TRPM2: variants seen among roughly 807,000 people sequenced by gnomAD.
TRPM2 encodes transient receptor potential cation channel subfamily M member 2.
TRPM2 carries 161 observed loss-of-function variants against 174.0 expected under a neutral mutation model. The observed-to-expected ratio is 0.93, with a 90% CI of 0.81 to 1.05. The LOEUF is 1.05. TRPM2 is among the 50% of genes least tolerant of loss of function. The pLI is 0.00. For synonymous variants in TRPM2, 954 were observed against 861.3 expected, an observed-to-expected ratio of 1.11 and a Z score of -1.88; for missense variants, 2,057 against 2,038.0, an observed-to-expected ratio of 1.01 and a Z score of -0.18.
chr21:44,404,173 A>G (rs995064359), intron 16 of TRPM2, among the ~76,000 whole-genome samples: 6 of 152,244 alleles, frequency 3.9e-5, no homozygotes, highest in South Asian at 2.1e-4. Flanking sequence ...ATATATACAC[A>G]TGCACACACA....
At chr21:44,417,696 G>A (rs1249225076) in intron 20 of TRPM2, among the ~76,000 whole-genome samples, 9 of 140,540 alleles carry the variant, frequency 6.4e-5, no homozygotes, top group Non-Finnish European at 7.7e-5. Context: ...CAGTGGGCAC[G>A]TGGGCGTGGC....
At position 44,399,522 on chromosome 21, in the gene TRPM2, G is replaced by T. The variant is rs190932518; in HGVS notation, c.2208+81G>T. The T allele has an allele frequency of 2.0e-4, 302 of 1,518,872 alleles. 1 individual carries two copies. The East Asian group carries it at 5.9e-3, about 30-fold the overall frequency. The allele number at this position is 1,518,872 out of a possible 1,614,324, so 94.1% of individuals were successfully genotyped here. A position where few individuals can be genotyped will look rare whatever the true frequency, so the allele number is the denominator to read the frequency against. On this transcript the variant is annotated intron_variant, in intron 14 of 31. Coordinates refer to ENST00000397928, the MANE Select transcript of TRPM2 (RefSeq NM_003307.4). This position sits in a 1 kb window ranked among gnomAD's most constrained non-coding sequence, Gnocchi z 4.6. The stretch of plus-strand genomic sequence containing the variant: ...ACACAGCCTCCTGTTCGTGCAGTTG[G>T]CACGCACACTCACACAGGCTTCAGG...
In TRPM2 at chr21:44,401,851, C is replaced by A. The variant is rs1365087231; in HGVS notation, c.2492C>A (p.Ala831Asp). Reference sequence around the variant, plus strand: ...CCTGTGCCCTCCTGGTGCGAGTGTGCCATCTACCTCTGGCTCTTCTCCTTG... The same window carrying A: ...CCTGTGCCCTCCTGGTGCGAGTGTGACATCTACCTCTGGCTCTTCTCCTTG... ...FQPVPSWCEC[A>D]IYLWLFSLVC... Residue 831 changes from alanine (A) to aspartate (D), a missense_variant, in exon 16 of 32, where the codon GCC (alanine) becomes GAC (aspartate). Coordinates refer to ENST00000397928, the MANE Select transcript of TRPM2 (RefSeq NM_003307.4). 1.2e-6 allele frequency: 2 copies of A among 1,613,938 alleles called. No individual in the cohort carries two copies. The highest frequency in any genetic ancestry group is 1.7e-6 in the Non-Finnish European group (2 of 1,180,020).
At chr21:44,416,980 G>A (rs985445744) in intron 20 of TRPM2, among the ~76,000 whole-genome samples, 2 of 127,500 alleles carry the variant, frequency 1.6e-5, no homozygotes, top group Non-Finnish European at 3.2e-5. Context: ...GCTCTCTGTG[G>A]CATCACAGTG....
intron 31 of TRPM2, among the ~76,000 whole-genome samples, 196 bp from the exon 32 acceptor site, chr21:44,441,496 T>C (rs1375894285): frequency 6.6e-6 from 1 of 152,210 alleles, no homozygotes; most frequent in African/African-American, 2.4e-5. Context: ...CACCTGCATC[T>C]TCTTCCCCTG....
intron 19 of TRPM2, among the ~76,000 whole-genome samples, chr21:44,407,858 C>T (rs1399512195): frequency 1.3e-5 from 2 of 151,320 alleles, no homozygotes; most frequent in Admixed American, 6.6e-5. Context: ...GGGTTGTTTC[C>T]ACTTTTCCTT....
intron 15 of TRPM2, 31 bp downstream of exon 15, chr21:44,400,402 TGGGGCTGC>T: frequency 1.9e-6 from 3 of 1,584,706 alleles, no homozygotes; most frequent in Admixed American, 1.7e-5. Flanking sequence ...TGCGGGACTG[TGGGGCTGC>T]GGGGCTGCGG....
Position 44,423,664 on chromosome 21 carries a change from CT to C in TRPM2, c.3482del (p.Leu1161ArgfsTer7), listed in dbSNP as rs2050632893. 1 of 1,612,828 alleles carries C rather than the reference CT, an allele frequency of 6.2e-7. No individual in the cohort carries two copies. The highest frequency in any genetic ancestry group is 1.1e-5 in the South Asian group (1 of 90,610). On this transcript the variant is annotated frameshift_variant, in exon 23 of 32. Coordinates refer to ENST00000397928, the MANE Select transcript of TRPM2 (RefSeq NM_003307.4). LOFTEE classifies it high-confidence loss of function. Reference sequence around the variant, plus strand: ...TTTCAGGGTTGACGCCATGGTGGACCTGCTGGACCTGGACCCACTGAAGAGG... The same window carrying C: ...TTTCAGGGTTGACGCCATGGTGGACCGCTGGACCTGGACCCACTGAAGAGG... ...ISNKVDAMVDLLDLDPLKRSG... is the reference protein window; with the variant it reads ...ISNKVDAMVDXLDLDPLKRSG...
At chr21:44,381,633 A>G (rs958764404) in intron 8 of TRPM2, among the ~76,000 whole-genome samples, 2 of 152,090 alleles carry the variant, frequency 1.3e-5, no homozygotes, top group African/African-American at 4.8e-5. Flanking sequence ...TGGACTGGGC[A>G]CTGTGGCTCA....
In TRPM2 at chr21:44,399,334, G is replaced by A. The variant is rs780823184; in HGVS notation, c.2101G>A (p.Ala701Thr). 1 of 1,612,830 alleles carries A rather than the reference G, an allele frequency of 6.2e-7. No individual in the cohort carries two copies. The highest frequency in any genetic ancestry group is 2.2e-5 in the East Asian group (1 of 44,876). ...TECYRKDEERAQKLLTRVSEA... is the reference protein window; with the variant it reads ...TECYRKDEERTQKLLTRVSEA... ...GTGCTACCGGAAGGACGAAGAGAGA[G>A]CCCAGAAACTGCTCACCCGCGTGTC... The change falls in exon 14 of 32, where the codon GCC (alanine) becomes ACC (threonine). Residue 701 changes from alanine to threonine, a missense_variant. Ala to Thr is a moderately conservative substitution (Grantham distance 58). Coordinates refer to ENST00000397928, the MANE Select transcript of TRPM2 (RefSeq NM_003307.4). The surrounding 1 kb of genome is among the most constrained non-coding windows in gnomAD (Gnocchi z 4.6).
At chr21:44,426,606 C>T in intron 25 of TRPM2, 54 bp from the exon 26 acceptor site, 10 of 1,590,224 alleles carry the variant, frequency 6.3e-6, no homozygotes, top group Non-Finnish European at 8.6e-6. Context: ...GGTGCCTGGC[C>T]CAGCTTTGCA....
intron 5 of TRPM2, among the ~76,000 whole-genome samples, chr21:44,370,379 C>T (rs939124798): frequency 4.6e-5 from 7 of 152,206 alleles, no homozygotes; most frequent in African/African-American, 1.7e-4. Context: ...ACGGAGCACT[C>T]CTGCCTCTGA....
At chr21:44,353,354 G>A, upstream of TRPM2, 1 of 194,452 alleles carries the variant, frequency 5.1e-6, no homozygotes. Flanking sequence ...ACCCGTGGGG[G>A]AGGGAGCTCT....
chr21:44,356,618 G>A (rs981527943), intron 2 of TRPM2, among the ~76,000 whole-genome samples: 18 of 149,514 alleles, frequency 1.2e-4, no homozygotes, highest in East Asian at 3.9e-4. Flanking sequence ...TGCAACCTTC[G>A]TCTCCCAGGT....
rs1323002666 is a variant in TRPM2 at position 44,437,186 on chromosome 21, G to A, written c.4167+19G>A. 1.6e-5 allele frequency: 24 copies of A among 1,546,790 alleles called. No homozygotes were observed. The highest frequency in any genetic ancestry group is 2.4e-5 in the East Asian group (1 of 40,874). The stretch of plus-strand genomic sequence containing the variant: ...GCCTGGGGTAAGGCTGCCGCGTGTG[G>A]GACCTCTGTCCACTGGGCTGTCTGT... On this transcript the variant is annotated intron_variant, in intron 29 of 31. Coordinates refer to ENST00000397928, the MANE Select transcript of TRPM2 (RefSeq NM_003307.4).
At chr21:44,369,368 G>T in intron 5 of TRPM2, 25 bp downstream of exon 5, 1 of 1,592,210 alleles carries the variant, frequency 6.3e-7, no homozygotes, top group Non-Finnish European at 8.6e-7. Context: ...CTAGGGAGGG[G>T]AGCCTAAGAC....
rs550874404 is a variant in TRPM2, at chr21:44,360,661, G to T, written c.255-3453G>T. 2.4e-4 allele frequency among the ~76,000 whole-genome samples: 37 copies of T among 151,820 alleles called. No individual in the cohort carries two copies. The South Asian group carries it at 7.1e-3, about 29-fold the overall frequency. Reference sequence around the variant, plus strand: ...AGCTCACTGCAATCTCCGCCTCCTGGGTTCAAGCAATTCTCCTGCCTCAGC... The same window carrying T: ...AGCTCACTGCAATCTCCGCCTCCTGTGTTCAAGCAATTCTCCTGCCTCAGC... On this transcript the variant is annotated intron_variant, in intron 2 of 31. Transcript: ENST00000397928.
chr21:44,414,002 C>T lies in TRPM2; in HGVS notation c.3074C>T (p.Thr1025Met), dbSNP rs138586774. ...AGGCCGGCCTTCCCTGAGTGGCTGA[C>T]GGTCCTCCTACTCTGCCTCTACCTG... ...QQRPAFPEWL[T>M]VLLLCLYLLF... is the part of the protein sequence containing the mutation. Residue 1025 changes from threonine to methionine, a missense_variant, in exon 20 of 32, where the codon ACG becomes ATG. Thr to Met is a moderately conservative substitution (Grantham distance 81). Transcript: ENST00000397928. 359 of 1,613,804 alleles carry T rather than the reference C, an allele frequency of 2.2e-4. 1 individual carries two copies. Among genetic ancestry groups the T allele is most frequent in the South Asian group, 1.9e-3 (170 of 91,086 alleles).
intron 3 of TRPM2, among the ~76,000 whole-genome samples, chr21:44,365,254 T>C (rs1313427837): frequency 1.3e-5 from 2 of 152,232 alleles, no homozygotes; most frequent in East Asian, 1.9e-4. Context: ...GAGACAGTGA[T>C]TGGGTGCCAC....
Sources: gnomAD v4.1 joint callset for allele counts (sites outside exome capture counted in the v4.1 genomes callset) on GRCh38, gnomAD v4.1.1 for gene constraint, Gnocchi (gnomAD v3.1) non-coding constraint, MANE v1.5 for transcripts, NCBI Gene and HGNC (gene_info 2026-07-23, HGNC 2026-07-21) for gene names.